The following KAZN variants were observed in gnomAD, a reference collection of about 807,000 sequenced individuals.
KAZN encodes kazrin, periplakin interacting protein.
KAZN carries 40 observed loss-of-function variants against 87.4 expected under a neutral mutation model. That is an observed-to-expected ratio of 0.46 (90% CI 0.36 to 0.60). The LOEUF is 0.60. Among genes scored for constraint, KAZN ranks in the 20% least tolerant of loss-of-function variants. The pLI, the probability that KAZN is intolerant of heterozygous loss-of-function variation, is 0.00. For missense variants in KAZN, 898 were observed against 1,073.9 expected (o/e 0.84, Z 2.29); for synonymous variants, 466 against 458.3 (o/e 1.02, Z -0.22).
chr1:14,708,538 T>C (rs1288323272), intron 1 of KAZN, among the ~76,000 whole-genome samples: 1 of 152,218 alleles, frequency 6.6e-6, no homozygotes, highest in African/African-American at 2.4e-5. Flanking sequence ...TGCCAAGTAT[T>C]AAGAATTGCA....
chr1:14,501,860 T>C (rs1172915274), intron 2 of KAZN, among the ~76,000 whole-genome samples: 1 of 152,182 alleles, frequency 6.6e-6, no homozygotes, highest in Admixed American at 6.5e-5. Flanking sequence ...TTCTGCTAAG[T>C]GAAAGAATCC....
chr1:15,044,270 G>GGGGGC (rs2100344054), intron 4 of KAZN, 111 bp downstream of exon 4: 1 of 413,328 alleles, frequency 2.4e-6, no homozygotes. Context: ...GGTGGGTGGG[G>GGGGGC]CAGAGCAGAA....
intron 1 of KAZN, among the ~76,000 whole-genome samples, chr1:14,036,333 G>C (rs571100383): frequency 6.6e-6 from 1 of 152,190 alleles, no homozygotes; most frequent in Non-Finnish European, 1.5e-5. Flanking sequence ...TCATGTGGCT[G>C]TTCAGGCTTC....
intron 2 of KAZN, among the ~76,000 whole-genome samples, chr1:14,532,505 C>T (rs1347956119): frequency 2.0e-5 from 3 of 151,274 alleles, no homozygotes; most frequent in Non-Finnish European, 4.4e-5. Flanking sequence ...TTTTAGGGTA[C>T]ATGTGCACAA....
At chr1:13,971,603 T>TTTG (rs147943812) in intron 1 of KAZN, among the ~76,000 whole-genome samples, 15 of 133,890 alleles carry the variant, frequency 1.1e-4, no homozygotes, top group East Asian at 9.9e-4. Flanking sequence ...AGGTTTTTTT[T>TTTG]TTGTTGTTGT....
chr1:14,245,892 C>A (rs1445205467), intron 2 of KAZN, among the ~76,000 whole-genome samples: 1 of 152,106 alleles, frequency 6.6e-6, no homozygotes, highest in Non-Finnish European at 1.5e-5. Context: ...ATGTTCATGG[C>A]AGCACTATTC....
In KAZN at chr1:14,432,677, G is replaced by A. The variant is rs187616931; in HGVS notation, c.250-166306G>A. 9.0e-3 allele frequency among the ~76,000 whole-genome samples: 1,374 copies of A among 152,094 alleles called. 12 individuals are homozygous for A. Among genetic ancestry groups the A allele is most frequent in the Non-Finnish European group, 0.013 (896 of 67,994 alleles). On this transcript the variant is annotated intron_variant, in intron 2 of 16. Transcript: ENST00000636203. ...TATCAGCCTGTCATCTAGGTTTTAA[G>A]CCCTGCATGCATTAGGTATTTGTCC... is the stretch of plus-strand genomic sequence containing the variant.
At chr1:14,274,070 AG>A (rs903373339) in intron 2 of KAZN, among the ~76,000 whole-genome samples, 50 of 152,296 alleles carry the variant, frequency 3.3e-4, no homozygotes, top group African/African-American at 1.2e-3. Context: ...GGACACACAA[AG>A]GCTGCAGCAC....
intron 1 of KAZN, among the ~76,000 whole-genome samples, chr1:13,984,782 TTCACTGA>T (rs1557763912): frequency 6.6e-6 from 1 of 152,152 alleles, no homozygotes; most frequent in Non-Finnish European, 1.5e-5. Context: ...TGGTAAGAGG[TTCACTGA>T]GATTCACTTA....
At chr1:14,576,888 T>C (rs1420996813) in intron 2 of KAZN, among the ~76,000 whole-genome samples, 1 of 152,222 alleles carries the variant, frequency 6.6e-6, no homozygotes, top group African/African-American at 2.4e-5. Context: ...ACTCCTCCCA[T>C]ACCACCTGGT....
chr1:14,606,602 A>G (rs1677384813), intron 1 of KAZN, among the ~76,000 whole-genome samples: 1 of 152,018 alleles, frequency 6.6e-6, no homozygotes, highest in South Asian at 2.1e-4. Context: ...CATCCATCCC[A>G]TGTCTTTTCT....
chr1:14,239,548 C>T (rs1648747892), intron 2 of KAZN, among the ~76,000 whole-genome samples: 1 of 148,074 alleles, frequency 6.8e-6, no homozygotes, highest in Non-Finnish European at 1.5e-5. Context: ...GCAACTTCTG[C>T]CTCCCGGGTT....
chr1:13,924,486 G>C (rs1640193217), intron 1 of KAZN, among the ~76,000 whole-genome samples: 1 of 152,108 alleles, frequency 6.6e-6, no homozygotes, highest in Non-Finnish European at 1.5e-5. Flanking sequence ...AAATCTTGGG[G>C]CCCCAATATC....
chr1:14,586,294 C>T (rs187976572), intron 2 of KAZN, among the ~76,000 whole-genome samples: 35 of 152,228 alleles, frequency 2.3e-4, no homozygotes, highest in African/African-American at 8.2e-4. Context: ...TGTGATGTGC[C>T]GCACAGATGG....
At chr1:14,736,309 T>G (rs1394842448) in intron 1 of KAZN, among the ~76,000 whole-genome samples, 11 of 139,454 alleles carry the variant, frequency 7.9e-5, no homozygotes, top group African/African-American at 2.7e-4. Context: ...GTATATTTTT[T>G]TTTTTTGAGA....
intron 2 of KAZN, among the ~76,000 whole-genome samples, chr1:14,268,305 C>T (rs552187280): frequency 4.9e-4 from 75 of 152,254 alleles, no homozygotes; most frequent in African/African-American, 1.8e-3. Context: ...TTCCAAGGCC[C>T]GTTGCAGTGC....
In KAZN at chr1:14,605,000, A is replaced by G. The variant is rs145074064; in HGVS notation, c.226+5777A>G. On this transcript the variant is annotated intron_variant, in intron 1 of 14. Coordinates refer to ENST00000376030, the MANE Select transcript of KAZN (RefSeq NM_201628.3). Reference sequence around the variant, plus strand: ...GGGATGTAAAGGCCTTCCATTCCCAATATTACCTCTGCTCTACAGATTGTG... The same window carrying G: ...GGGATGTAAAGGCCTTCCATTCCCAGTATTACCTCTGCTCTACAGATTGTG... Among the ~76,000 whole-genome samples, 11 of 152,324 alleles carry G rather than the reference A, an allele frequency of 7.2e-5. 1 individual carries two copies. In the East Asian group the frequency reaches 1.4e-3, roughly 19 times the overall value.
At chr1:14,875,765 A>G (rs1426318471) in intron 1 of KAZN, among the ~76,000 whole-genome samples, 1 of 152,122 alleles carries the variant, frequency 6.6e-6, no homozygotes, top group East Asian at 1.9e-4. Flanking sequence ...CCAACCCTCC[A>G]CAGTTGATTG....
In KAZN at chr1:15,099,269, T is replaced by A. The variant is rs2100700677; in HGVS notation, c.1548-2274T>A. Among the ~76,000 whole-genome samples, 1 of 152,356 alleles carries A rather than the reference T, an allele frequency of 6.6e-6. No homozygotes were observed. Among genetic ancestry groups the A allele is most frequent in the Admixed American group, 6.5e-5 (1 of 15,310 alleles). On this transcript the variant is annotated intron_variant, in intron 10 of 14. Transcript: ENST00000376030. The surrounding 1 kb of genome is among the most constrained non-coding windows in gnomAD (Gnocchi z 5.4). ...CAGGAAGCATTCAATCAGTGTCTAC[T>A]GTGCACGTAGACTGTGCTGTTTGGC...
Sources: gnomAD v4.1 joint callset for allele counts (sites outside exome capture counted in the v4.1 genomes callset) on GRCh38, gnomAD v4.1.1 for gene constraint, Gnocchi (gnomAD v3.1) non-coding constraint, MANE v1.5 for transcripts, NCBI Gene and HGNC (gene_info 2026-07-23, HGNC 2026-07-21) for gene names.